NDUFB6: variants seen among roughly 807,000 people sequenced by gnomAD.
NDUFB6 encodes the protein NADH dehydrogenase [ubiquinone] 1 beta subcomplex subunit 6.
NDUFB6 carries 23 observed loss-of-function variants against 17.5 expected under a neutral mutation model. That is an observed-to-expected ratio of 1.31 (90% CI 0.94 to 1.86). The LOEUF is 1.86. Among genes scored for constraint, NDUFB6 ranks in the 40% most tolerant of loss-of-function variants. The probability of loss-of-function intolerance (pLI) is 0.00; values close to 1 mark genes in which losing one functional copy is unlikely to be tolerated. For missense variants in NDUFB6, 167 were observed against 153.8 expected (o/e 1.09, Z -0.46); for synonymous variants, 60 against 53.5 (o/e 1.12, Z -0.53).
Position 32,559,059 on chromosome 9 carries a change from A to G in NDUFB6, c.274-105T>C, listed in dbSNP as rs1821555815. ...TTTAACTTAAGCTCCAAACTTTCAC[A>G]GAACTCCAGATTCACATATCCAACT... On this transcript the variant is annotated intron_variant, in intron 2 of 3. Coordinates refer to ENST00000379847, the MANE Select transcript of NDUFB6 (RefSeq NM_002493.5). 5 of 686,414 alleles carry G rather than the reference A, an allele frequency of 7.3e-6. No individual in the cohort carries two copies. In the South Asian group the frequency reaches 1.0e-4, roughly 14 times the overall value. 42.5% of individuals were successfully genotyped at this position (686,414 alleles called of 1,614,324 possible). A position where few individuals can be genotyped will look rare whatever the true frequency, so the allele number is the denominator to read the frequency against.
chr9:32,566,337 G>A (rs1052403629), intron 2 of NDUFB6: 3 of 1,169,812 alleles, frequency 2.6e-6, no homozygotes, highest in Non-Finnish European at 3.9e-6. Flanking sequence ...TTCTTTAACT[G>A]CTTCCACCAG....
chr9:32,553,738 ATTG>A lies in NDUFB6; in HGVS notation c.*135_*137del. Reference sequence around the variant, plus strand: ...TTATTGTTAAATTACTCAGTCTCAAATTGTACAATGCTTGAAAACAGATATGAC... The same window carrying A: ...TTATTGTTAAATTACTCAGTCTCAAATACAATGCTTGAAAACAGATATGAC... On this transcript the variant is annotated 3_prime_UTR_variant, in exon 4 of 4. Coordinates refer to ENST00000379847, the MANE Select transcript of NDUFB6 (RefSeq NM_002493.5). 1 of 639,852 alleles carries A rather than the reference ATTG, an allele frequency of 1.6e-6. No individual in the cohort carries two copies. Among genetic ancestry groups the A allele is most frequent in the South Asian group, 1.9e-5 (1 of 52,076 alleles). 39.6% of individuals were successfully genotyped at this position (639,852 alleles called of 1,614,324 possible).
chr9:32,569,736 G>A (rs1038212152), intron 2 of NDUFB6, among the ~76,000 whole-genome samples: 1 of 151,856 alleles, frequency 6.6e-6, no homozygotes, highest in Non-Finnish European at 1.5e-5. Context: ...CAAGCCGGTC[G>A]AACTTCTGGC....
intron 3 of NDUFB6, among the ~76,000 whole-genome samples, chr9:32,557,972 T>C (rs529643149): frequency 6.0e-4 from 92 of 152,290 alleles, no homozygotes; most frequent in African/African-American, 2.1e-3. Context: ...TGACTAGAAA[T>C]AGACAAGAAC....
rs1209612047 is a variant in NDUFB6, at chr9:32,573,112, C to G, written c.-52G>C. On this transcript the variant is annotated 5_prime_UTR_variant, in exon 1 of 4. Coordinates refer to ENST00000379847, the MANE Select transcript of NDUFB6 (RefSeq NM_002493.5). ...ACACGGCGCACCCTCGAACTACGGA[C>G]TAGTTACTTAAGCGCGCTCCCGCTC... 3 of 1,469,236 alleles carry G rather than the reference C, an allele frequency of 2.0e-6. No individual in the cohort carries two copies. The Admixed American group carries it at 7.2e-5, about 35-fold the overall frequency. 91.0% of individuals were successfully genotyped at this position (1,469,236 alleles called of 1,614,324 possible).
intron 2 of NDUFB6, among the ~76,000 whole-genome samples, chr9:32,570,651 C>G (rs907382213): frequency 1.3e-5 from 2 of 152,020 alleles, no homozygotes; most frequent in Admixed American, 6.5e-5. Context: ...TAAAAAGGAG[C>G]AGAATTGTTT....
intron 2 of NDUFB6, chr9:32,566,078 A>G (rs1045462585): frequency 4.5e-6 from 2 of 445,846 alleles, no homozygotes; most frequent in African/African-American, 2.0e-5. Flanking sequence ...ACCAAAAAAA[A>G]AAAAAGGCAC....
rs781345936 is a variant in NDUFB6, at chr9:32,560,303, G to A, written c.274-1349C>T. Among the ~76,000 whole-genome samples, 3 of 152,198 alleles carry A rather than the reference G, an allele frequency of 2.0e-5. No individual in the cohort carries two copies. The South Asian group carries it at 6.2e-4, about 31-fold the overall frequency. The stretch of plus-strand genomic sequence containing the variant: ...CTCAGGAAAAATCACCTGGAAGTGT[G>A]AACCCTCAGATAAGCAACCACATTA... On this transcript the variant is annotated intron_variant, in intron 2 of 3. Coordinates refer to ENST00000379847, the MANE Select transcript of NDUFB6 (RefSeq NM_002493.5).
In NDUFB6 at chr9:32,567,647, T is replaced by C. The variant is rs542072142; in HGVS notation, c.273+3313A>G. On this transcript the variant is annotated intron_variant, in intron 2 of 3. Transcript: ENST00000379847. ...GCCTCAAACTTTGTCACTATTGTTA[T>C]ATTAATATTTGTTATGGTAATCTGC... 1.0e-3 allele frequency: 372 copies of C among 361,418 alleles called. 2 individuals carry two copies. Among genetic ancestry groups the C allele is most frequent in the Non-Finnish European group, 1.3e-3 (221 of 174,636 alleles). 22.4% of individuals were successfully genotyped at this position (361,418 alleles called of 1,614,324 possible).
chr9:32,570,770 T>C (rs1017007365), intron 2 of NDUFB6, among the ~76,000 whole-genome samples, 190 bp downstream of exon 2: 1 of 151,198 alleles, frequency 6.6e-6, no homozygotes, highest in Non-Finnish European at 1.5e-5. Flanking sequence ...AGTTGTAAAC[T>C]AGTGACAATA....
At chr9:32,557,819 G>A (rs1444467566) in intron 3 of NDUFB6, among the ~76,000 whole-genome samples, 4 of 152,138 alleles carry the variant, frequency 2.6e-5, no homozygotes, top group South Asian at 2.1e-4. Context: ...AACTGGGACC[G>A]CTGGCCAGTT....
intron 2 of NDUFB6, among the ~76,000 whole-genome samples, chr9:32,562,692 TTACAA>T (rs1253460832): frequency 5.3e-5 from 8 of 152,186 alleles, no homozygotes; most frequent in Admixed American, 3.3e-4. Context: ...CTTAAAATAA[TTACAA>T]TACAACTATC....
chr9:32,554,349 T>C (rs1318496735), intron 3 of NDUFB6, among the ~76,000 whole-genome samples: 3 of 152,230 alleles, frequency 2.0e-5, no homozygotes, highest in African/African-American at 2.4e-5. Flanking sequence ...AGTTTTCTGA[T>C]TGGCTTACAT....
intron 1 of NDUFB6, among the ~76,000 whole-genome samples, chr9:32,572,492 C>T (rs1052146416): frequency 1.3e-5 from 2 of 152,158 alleles, no homozygotes; most frequent in African/African-American, 4.8e-5. Context: ...GTTACTTGGT[C>T]TCTAGAACCT....
intron 2 of NDUFB6, chr9:32,566,732 T>C (rs1821802468): frequency 1.1e-6 from 1 of 919,440 alleles, no homozygotes; most frequent in Non-Finnish European, 1.8e-6. Flanking sequence ...ACTCCAAGCC[T>C]TCAAACCACA....
At chr9:32,572,824 C>G (rs1000031496) in intron 1 of NDUFB6, 57 bp downstream of exon 1, 1 of 1,459,038 alleles carries the variant, frequency 6.9e-7, no homozygotes, top group Non-Finnish European at 9.1e-7. Context: ...GTTCAGTGTT[C>G]AGGCTGCCGG....
intron 1 of NDUFB6, 111 bp downstream of exon 1, chr9:32,572,770 G>A: frequency 9.8e-7 from 1 of 1,019,076 alleles, no homozygotes. Flanking sequence ...GTGTCCCAGA[G>A]CACTGAGCGT....
At chr9:32,560,735 G>A (rs1287338596) in intron 2 of NDUFB6, among the ~76,000 whole-genome samples, 3 of 152,154 alleles carry the variant, frequency 2.0e-5, no homozygotes, top group African/African-American at 7.2e-5. Flanking sequence ...AGCTATGTTT[G>A]TAAATGGAAT....
chr9:32,567,062 G>A (rs905564898), intron 2 of NDUFB6: 13 of 494,138 alleles, frequency 2.6e-5, no homozygotes, highest in South Asian at 6.1e-5. Flanking sequence ...GCTCCTGCCC[G>A]CCATGCCAAA....
Sources: gnomAD v4.1 joint callset for allele counts (sites outside exome capture counted in the v4.1 genomes callset) on GRCh38, gnomAD v4.1.1 for gene constraint, MANE v1.5 for transcripts, NCBI Gene and HGNC (gene_info 2026-07-23, HGNC 2026-07-21) for gene names.